The following ACACB variants were observed in gnomAD, a reference collection of about 807,000 sequenced individuals.
The protein encoded by ACACB is acetyl-CoA carboxylase beta, also known as acetyl-CoA carboxylase 2.
Under a neutral mutation model 278.8 loss-of-function variants are expected in ACACB, and 209 were observed. The observed-to-expected ratio is 0.75, with a 90% CI of 0.67 to 0.84. The LOEUF is 0.84. Among genes scored for constraint, ACACB ranks in the 40% least tolerant of loss-of-function variants. The pLI, the probability that ACACB is intolerant of heterozygous loss-of-function variation, is 0.00. For missense variants in ACACB, 2,850 were observed against 3,269.0 expected (o/e 0.87, Z 3.13); for synonymous variants, 1,174 against 1,285.6 (o/e 0.91, Z 1.86).
At chr12:109,230,576 C>T (rs1467312131) in intron 28 of ACACB, among the ~76,000 whole-genome samples, 2 of 152,236 alleles carry the variant, frequency 1.3e-5, no homozygotes, top group East Asian at 3.8e-4. Flanking sequence ...GCTTGCGCCA[C>T]CACACCTGGC....
intron 11 of ACACB, among the ~76,000 whole-genome samples, chr12:109,181,840 C>CTTTTTTTTTT (rs34174568): frequency 6.4e-4 from 52 of 81,572 alleles, no homozygotes; most frequent in Admixed American, 8.8e-4. Flanking sequence ...TTTTCCTTTC[C>CTTTTTTTTTT]TTTTTTTTTT....
intron 43 of ACACB, 123 bp from the exon 44 acceptor site, chr12:109,254,091 G>C: frequency 8.4e-7 from 1 of 1,184,258 alleles, no homozygotes; most frequent in Middle Eastern, 1.9e-4. Flanking sequence ...GGCTTCAGGA[G>C]CCCTAGGGAG....
At chr12:109,161,522 G>A (rs955111307) in intron 2 of ACACB, among the ~76,000 whole-genome samples, 16 of 152,088 alleles carry the variant, frequency 1.1e-4, no homozygotes, top group African/African-American at 2.7e-4. Flanking sequence ...CAGCCTGGGC[G>A]ACAGAGTGAG....
chr12:109,192,753 C>CT (rs2136288251), intron 15 of ACACB, among the ~76,000 whole-genome samples: 1 of 152,222 alleles, frequency 6.6e-6, no homozygotes, highest in African/African-American at 2.4e-5. Context: ...CCTGGACTTC[C>CT]TGGGCTCCAG....
At chr12:109,244,877 A>G (rs992593345) in intron 37 of ACACB, among the ~76,000 whole-genome samples, 2 of 152,218 alleles carry the variant, frequency 1.3e-5, no homozygotes, top group African/African-American at 4.8e-5. Context: ...ATCAATATGG[A>G]TAAATCTCTC....
chr12:109,134,419 G>A (rs776044561), intron 1 of ACACB, among the ~76,000 whole-genome samples: 1 of 152,168 alleles, frequency 6.6e-6, no homozygotes, highest in South Asian at 2.1e-4. Flanking sequence ...CTCCTTTCCT[G>A]GGGAGGATGT....
rs190340388 is a variant in ACACB, at chr12:109,181,638, G to A, written c.1818+1551G>A. On this transcript the variant is annotated intron_variant, in intron 11 of 52. Transcript: ENST00000338432. The stretch of plus-strand genomic sequence containing the variant: ...AAACATGGGAGTACAGATACTCTTC[G>A]ATATACTGATTTCCTTTCTTTTGAG... 3.2e-3 allele frequency among the ~76,000 whole-genome samples: 490 copies of A among 152,122 alleles called. 2 individuals are homozygous for A. The highest frequency in any genetic ancestry group is 0.011 in the African/African-American group (460 of 41,504).
intron 31 of ACACB, among the ~76,000 whole-genome samples, chr12:109,234,508 A>G (rs2046575465): frequency 6.6e-6 from 1 of 152,108 alleles, no homozygotes; most frequent in Admixed American, 6.6e-5. Flanking sequence ...AATTATATAT[A>G]TTTACAGTAT....
intron 1 of ACACB, among the ~76,000 whole-genome samples, chr12:109,131,977 C>T (rs969102208): frequency 2.0e-5 from 3 of 152,130 alleles, no homozygotes; most frequent in Non-Finnish European, 4.4e-5. Context: ...AGCCAGGTGT[C>T]TGTCTGTTTT....
At chr12:109,119,699 C>T (rs1170267825) in intron 1 of ACACB, among the ~76,000 whole-genome samples, 1 of 151,980 alleles carries the variant, frequency 6.6e-6, no homozygotes, top group African/African-American at 2.4e-5. Flanking sequence ...GAGTTCAAGG[C>T]CAGCCTGACC....
intron 47 of ACACB, chr12:109,260,058 C>A: frequency 7.4e-7 from 1 of 1,355,292 alleles, no homozygotes; most frequent in African/African-American, 1.5e-5. Flanking sequence ...TTCTTGTTTT[C>A]ATGTAGGGTG....
intron 1 of ACACB, among the ~76,000 whole-genome samples, chr12:109,138,128 T>C (rs555541513): frequency 1.4e-4 from 21 of 152,228 alleles, no homozygotes; most frequent in Admixed American, 1.3e-3. Context: ...GGTCTCAAAC[T>C]CCCAACCTCA....
At chr12:109,143,059 A>G (rs2043157664) in intron 2 of ACACB, among the ~76,000 whole-genome samples, 1 of 152,130 alleles carries the variant, frequency 6.6e-6, no homozygotes, top group South Asian at 2.1e-4. Flanking sequence ...ACATTGTAGG[A>G]TTGTGGGCGA....
intron 1 of ACACB, among the ~76,000 whole-genome samples, chr12:109,126,298 A>G (rs149037246): frequency 1.3e-5 from 2 of 152,334 alleles, no homozygotes; most frequent in Non-Finnish European, 2.9e-5. Context: ...TGGAGGTGGA[A>G]AAACGGCTCC....
chr12:109,260,291 C>G, intron 47 of ACACB, 189 bp from the exon 48 acceptor site: 1 of 1,125,118 alleles, frequency 8.9e-7, no homozygotes, highest in Middle Eastern at 3.0e-4. Flanking sequence ...GAGGCCCACA[C>G]TGGGTGAATG....
chr12:109,114,440 G>T (rs1248318257), upstream of ACACB, among the ~76,000 whole-genome samples: 1 of 152,110 alleles, frequency 6.6e-6, no homozygotes, highest in African/African-American at 2.4e-5. Flanking sequence ...TGGAAATTCT[G>T]ATTTAATTGG....
intron 1 of ACACB, among the ~76,000 whole-genome samples, chr12:109,133,945 A>C (rs1235631806): frequency 3.7e-5 from 5 of 136,774 alleles, no homozygotes. Context: ...TTGAGACAGG[A>C]TCTCACTTGG....
Position 109,264,299 on chromosome 12 carries a change from G to A in ACACB, c.6855G>A (p.Leu2285=). 3 of 1,614,150 alleles carry A rather than the reference G, an allele frequency of 1.9e-6. No individual in the cohort carries two copies. Among genetic ancestry groups the A allele is most frequent in the Non-Finnish European group, 2.5e-6 (3 of 1,180,038 alleles). ...LEGRLKARED[L]LLPIYHQVAV... ...GCCGGCTAAAGGCTCGCGAGGACCT[G>A]CTGCTCCCCATCTACCACCAGGTGG... Residue 2285 remains leucine, a synonymous_variant, in exon 50 of 53, where the codon CTG becomes CTA. Coordinates refer to ENST00000338432, the MANE Select transcript of ACACB (RefSeq NM_001093.4).
Position 109,180,080 on chromosome 12 carries a change from A to G in ACACB, c.1811A>G (p.Gln604Arg), listed in dbSNP as rs1490132544. ...GCTGATGTTAATCTGCCGGCCGCCC[A>G]GCTACAGGTGAGAAAATGGGCTTGG... is the stretch of plus-strand genomic sequence containing the variant. The part of the protein sequence containing the change: ...MIADVNLPAA[Q>R]LQIAMGVPLH... The change falls in exon 11 of 53, where the codon CAG (glutamine) becomes CGG (arginine). Residue 604 changes from glutamine to arginine, a missense_variant. Transcript: ENST00000338432. The G allele has an allele frequency of 1.2e-6, 2 of 1,610,270 alleles. No individual in the cohort carries two copies. The highest frequency in any genetic ancestry group is 1.7e-6 in the Non-Finnish European group (2 of 1,178,352).
Sources: allele counts gnomAD v4.1 joint callset (sites outside exome capture counted in the v4.1 genomes callset), GRCh38; gene constraint gnomAD v4.1.1; transcripts MANE v1.5; gene names NCBI Gene and HGNC (gene_info 2026-07-23, HGNC 2026-07-21).